The following SUFU variants were observed in gnomAD, a reference collection of about 807,000 sequenced individuals.
SUFU encodes the protein SUFU negative regulator of hedgehog signaling.
A neutral mutation model predicts 58.9 loss-of-function variants in SUFU; 7 were observed. The ratio of observed to expected loss-of-function variants is 0.12; its 90% CI spans 0.07 to 0.22. The LOEUF (loss-of-function observed/expected upper bound fraction) is 0.22, where lower values mean the gene tolerates loss of function less well. SUFU is among the 10% of genes least tolerant of loss of function. The pLI is 1.00. For synonymous variants in SUFU, 232 were observed against 254.8 expected (o/e 0.91, Z 0.85); for missense variants, 451 against 641.3 (o/e 0.70, Z 3.20).
chr10:102,568,923 CATAT>C (rs1166324733), intron 3 of SUFU, among the ~76,000 whole-genome samples: 7 of 39,088 alleles, frequency 1.8e-4, no homozygotes, highest in African/African-American at 9.4e-4. Flanking sequence ...TATATATACA[CATAT>C]ATATATATAT....
intron 2 of SUFU, among the ~76,000 whole-genome samples, chr10:102,541,697 C>CTTTTTTTTTTTTTTTTTTTT: frequency 1.8e-5 from 1 of 56,086 alleles, no homozygotes; most frequent in Non-Finnish European, 3.1e-5. Flanking sequence ...CCGCGCCCGG[C>CTTTTTTTTTTTTTTTTTTTT]TTTTTTTTTT....
Position 102,550,063 on chromosome 10 carries a change from C to T in SUFU, c.411C>T (p.Pro137=), listed in dbSNP as rs946508687. ...GGGAGTCTGCCCCACCAACATGGCC[C>T]GCAGAGTTAATGCAGGGCTTGGCAC... ...ETGESAPPTW[P]AELMQGLARY... Residue 137 remains proline (P), a synonymous_variant, in exon 3 of 12, where the codon CCC becomes CCT. Transcript: ENST00000369902. The T allele has an allele frequency of 9.3e-6, 15 of 1,614,048 alleles. No individual in the cohort carries two copies. Among genetic ancestry groups the T allele is most frequent in the African/African-American group, 2.7e-5 (2 of 74,896 alleles).
intron 3 of SUFU, among the ~76,000 whole-genome samples, chr10:102,552,442 T>TACAC (rs368102340): frequency 2.7e-5 from 4 of 149,234 alleles, no homozygotes; most frequent in Admixed American, 2.0e-4. Flanking sequence ...AAAAAAAAAA[T>TACAC]ACACACACAC....
intron 5 of SUFU, 76 bp downstream of exon 5, chr10:102,593,797 G>A (rs1038206671): frequency 1.3e-6 from 2 of 1,500,996 alleles, no homozygotes; most frequent in South Asian, 2.3e-5. Flanking sequence ...CTCCATGTGG[G>A]GCTCCCTCTT....
At position 102,628,501 on chromosome 10, in the gene SUFU, AGC is replaced by A. The variant is rs966789871; in HGVS notation, c.1365+1261_1365+1262del. ...GTCAGACCAGAGCCAGCTGCCCAGA[AGC>A]GCTTCCGGAGAGGCCTTGTCGCACT... is the stretch of plus-strand genomic sequence containing the variant. On this transcript the variant is annotated intron_variant, in intron 11 of 11. Coordinates refer to ENST00000369902, the MANE Select transcript of SUFU (RefSeq NM_016169.4). The surrounding 1 kb of genome is among the most constrained non-coding windows in gnomAD (Gnocchi z 4.5). Among the ~76,000 whole-genome samples the A allele has an allele frequency of 6.6e-6, 1 of 152,124 alleles. No homozygotes were observed. Among genetic ancestry groups the A allele is most frequent in the African/African-American group, 2.4e-5 (1 of 41,410 alleles).
chr10:102,615,542 C>A (rs758453548), intron 9 of SUFU, 140 bp downstream of exon 9: 63 of 1,300,484 alleles, frequency 4.8e-5, no homozygotes, highest in Non-Finnish European at 6.8e-5. Flanking sequence ...CCGTGCTTCC[C>A]GTCTCCCTGT....
intron 2 of SUFU, among the ~76,000 whole-genome samples, chr10:102,534,651 A>G (rs2062714775): frequency 6.6e-6 from 1 of 152,216 alleles, no homozygotes. Flanking sequence ...TTGGGCCAGC[A>G]CTGAAGGTCT....
chr10:102,554,921 CAGTA>C (rs1204369973), intron 3 of SUFU, among the ~76,000 whole-genome samples: 1 of 152,222 alleles, frequency 6.6e-6, no homozygotes, highest in Non-Finnish European at 1.5e-5. Context: ...GCCTGGTACG[CAGTA>C]AGTACTATGT....
At chr10:102,513,824 T>C (rs2062431318) in intron 2 of SUFU, among the ~76,000 whole-genome samples, 1 of 152,204 alleles carries the variant, frequency 6.6e-6, no homozygotes, top group Admixed American at 6.6e-5. Flanking sequence ...TTGCCACTTG[T>C]AGTATTATTT....
chr10:102,609,897 T>A (rs1379152095), intron 8 of SUFU, among the ~76,000 whole-genome samples: 1 of 152,192 alleles, frequency 6.6e-6, no homozygotes, highest in Non-Finnish European at 1.5e-5. Flanking sequence ...TTGGTGTCAC[T>A]CTCAGTGAAA....
At chr10:102,529,426 G>A (rs957325949) in intron 2 of SUFU, among the ~76,000 whole-genome samples, 3 of 152,192 alleles carry the variant, frequency 2.0e-5, no homozygotes, top group African/African-American at 4.8e-5. Context: ...GGCATCTGCT[G>A]ATATTTTAAA....
chr10:102,509,204 T>C lies in SUFU; in HGVS notation c.218T>C (p.Met73Thr). 6.2e-7 allele frequency: 1 copy of C among 1,614,222 alleles called. No homozygotes were observed. Among genetic ancestry groups the C allele is most frequent in the Admixed American group, 1.7e-5 (1 of 60,024 alleles). ...GGPDPLDYVS[M>T]YRNVGSPSAN... Reference sequence around the variant, plus strand: ...CCAGACCCCTTGGACTATGTTAGCATGTACAGGAATGTGGGGAGCCCTTCT... The same window carrying C: ...CCAGACCCCTTGGACTATGTTAGCACGTACAGGAATGTGGGGAGCCCTTCT... Residue 73 changes from methionine to threonine, a missense_variant, in exon 2 of 12, where the codon ATG (methionine) becomes ACG (threonine). Met to Thr is a moderately conservative substitution (Grantham distance 81). Coordinates refer to ENST00000369902, the MANE Select transcript of SUFU (RefSeq NM_016169.4).
Position 102,632,950 on chromosome 10 carries a change from C to G in SUFU, c.*2795C>G. On this transcript the variant is annotated 3_prime_UTR_variant, in exon 12 of 12. Coordinates refer to ENST00000369902, the MANE Select transcript of SUFU (RefSeq NM_016169.4). ...GTGGGGAGCTGGTGCCTCTTCCTGC[C>G]CGTATCTTTCTCTTCCAAGGGCAGT... 1 of 233,452 alleles carries G rather than the reference C, an allele frequency of 4.3e-6. No homozygotes were observed. Among genetic ancestry groups the G allele is most frequent in the Non-Finnish European group, 8.5e-6 (1 of 118,216 alleles). The allele number at this position is 233,452 out of a possible 1,614,324, so 14.5% of individuals were successfully genotyped here.
intron 2 of SUFU, among the ~76,000 whole-genome samples, chr10:102,510,011 G>T (rs962490973): frequency 3.3e-5 from 5 of 151,762 alleles, no homozygotes; most frequent in African/African-American, 1.2e-4. Context: ...GCTAATTTTT[G>T]TAATTTTTTT....
chr10:102,596,467 T>A (rs573936929), intron 6 of SUFU, among the ~76,000 whole-genome samples: 47 of 152,240 alleles, frequency 3.1e-4, no homozygotes, highest in African/African-American at 1.0e-3. Context: ...AGGGTCTCGA[T>A]GGGGAGAGAA....
chr10:102,570,717 T>C (rs1415499951), intron 3 of SUFU, among the ~76,000 whole-genome samples: 1 of 152,140 alleles, frequency 6.6e-6, no homozygotes, highest in African/African-American at 2.4e-5. Flanking sequence ...TGCTTCTTGG[T>C]GTAAACTAAG....
chr10:102,535,653 C>G lies in SUFU; in HGVS notation c.318-14317C>G, dbSNP rs141509277. On this transcript the variant is annotated intron_variant, in intron 2 of 11. Transcript: ENST00000369902. ...TCTTCCCTTTCTTCTGATACCATCA[C>G]TGGGCTTGAGACTGAGCCATAATGC... Among the ~76,000 whole-genome samples the G allele has an allele frequency of 4.5e-4, 68 of 152,294 alleles. No individual in the cohort carries two copies. The East Asian group carries it at 0.013, about 29-fold the overall frequency.
At chr10:102,606,688 G>C (rs1301336126) in intron 8 of SUFU, among the ~76,000 whole-genome samples, 1 of 152,176 alleles carries the variant, frequency 6.6e-6, no homozygotes, top group Non-Finnish European at 1.5e-5. Context: ...GGTGCACAGA[G>C]GAAAGCTGGT....
Position 102,597,275 on chromosome 10 carries a change from C to T in SUFU, c.892C>T (p.Arg298Trp), listed in dbSNP as rs771255988. Residue 298 changes from arginine to tryptophan, a missense_variant, in exon 7 of 12, where the codon CGG (arginine) becomes TGG (tryptophan). Coordinates refer to ENST00000369902, the MANE Select transcript of SUFU (RefSeq NM_016169.4). ...GAGCATCTGCATCGGCACACAGCCCCGGCGACTCTCTGGCAAAGGTGGGAG... is the reference window on the plus strand; with the variant it reads ...GAGCATCTGCATCGGCACACAGCCCTGGCGACTCTCTGGCAAAGGTGGGAG... ...SRSICIGTQP[R>W]RLSGKDTEQI... 18 of 1,613,426 alleles carry T rather than the reference C, an allele frequency of 1.1e-5. No individual in the cohort carries two copies. The highest frequency in any genetic ancestry group is 5.3e-5 in the African/African-American group (4 of 74,882).
Sources: gnomAD v4.1 joint callset for allele counts (sites outside exome capture counted in the v4.1 genomes callset) on GRCh38, gnomAD v4.1.1 for gene constraint, Gnocchi (gnomAD v3.1) non-coding constraint, MANE v1.5 for transcripts, NCBI Gene and HGNC (gene_info 2026-07-23, HGNC 2026-07-21) for gene names.